The following ATP5F1C variants were observed in gnomAD, a reference collection of about 807,000 sequenced individuals.
The protein encoded by ATP5F1C is ATP synthase F1 subunit gamma.
Under a neutral mutation model 37.4 loss-of-function variants are expected in ATP5F1C, and 22 were observed. That is an observed-to-expected ratio of 0.59 (90% CI 0.42 to 0.84). The LOEUF (loss-of-function observed/expected upper bound fraction) is 0.84. Among genes scored for constraint, ATP5F1C ranks in the 40% least tolerant of loss-of-function variants. The probability of loss-of-function intolerance (pLI) is 0.00; values close to 1 mark genes in which losing one functional copy is unlikely to be tolerated. For synonymous variants in ATP5F1C, 121 were observed against 128.0 expected, an observed-to-expected ratio of 0.95 and a Z score of 0.37; for missense variants, 286 against 362.4, an observed-to-expected ratio of 0.79 and a Z score of 1.71.
rs182107506 is a variant in ATP5F1C, at chr10:7,792,358, C to T, written c.57-3763C>T. 1.3e-4 allele frequency among the ~76,000 whole-genome samples: 20 copies of T among 152,238 alleles called. 1 individual carries two copies. Among genetic ancestry groups the T allele is most frequent in the Admixed American group, 1.2e-3 (19 of 15,290 alleles). On this transcript the variant is annotated intron_variant, in intron 1 of 9. Coordinates refer to ENST00000356708, the MANE Select transcript of ATP5F1C (RefSeq NM_001001973.3). Reference sequence around the variant, plus strand: ...CATGATCACACCACTGCACTATAGCCTGGGTGAGGGGAGTGAGACCCTGTC... The same window carrying T: ...CATGATCACACCACTGCACTATAGCTTGGGTGAGGGGAGTGAGACCCTGTC...
rs77688951 is a variant in ATP5F1C at position 7,789,538 on chromosome 10, C to T, written c.56+1275C>T. Among the ~76,000 whole-genome samples the T allele has an allele frequency of 3.5e-3, 532 of 152,184 alleles. 5 individuals carry two copies. Among genetic ancestry groups the T allele is most frequent in the African/African-American group, 0.012 (500 of 41,516 alleles). ...TGTATAGATTGTCCCACTTGTTAAC[C>T]ACTCAGCAGACATTAGCTGAGTGCT... is the stretch of plus-strand genomic sequence containing the variant. On this transcript the variant is annotated intron_variant, in intron 1 of 9. Coordinates refer to ENST00000356708, the MANE Select transcript of ATP5F1C (RefSeq NM_001001973.3).
At position 7,799,801 on chromosome 10, in the gene ATP5F1C, T is replaced by G. The variant is rs1836316769; in HGVS notation, c.458T>G (p.Phe153Cys). The part of the protein sequence containing the change: ...RTHSDQFLVA[F>C]KEVGRKPPTF... Reference sequence around the variant, plus strand: ...CATTCTGACCAGTTTCTGGTGGCATTCAAAGAAGTGGGAAGAAAGCCCCCC... The same window carrying G: ...CATTCTGACCAGTTTCTGGTGGCATGCAAAGAAGTGGGAAGAAAGCCCCCC... The change falls in exon 5 of 10, where the codon TTC (phenylalanine) becomes TGC (cysteine). Residue 153 changes from phenylalanine (F) to cysteine (C), a missense_variant. Coordinates refer to ENST00000356708, the MANE Select transcript of ATP5F1C (RefSeq NM_001001973.3). The G allele has an allele frequency of 6.2e-7, 1 of 1,614,210 alleles. No individual in the cohort carries two copies. Among genetic ancestry groups the G allele is most frequent in the Non-Finnish European group, 8.5e-7 (1 of 1,180,040 alleles).
At chr10:7,788,619 C>G (rs536139641) in intron 1 of ATP5F1C, among the ~76,000 whole-genome samples, 1 of 152,302 alleles carries the variant, frequency 6.6e-6, no homozygotes, top group South Asian at 2.1e-4. Flanking sequence ...GCCAGGCCCC[C>G]AGTCTCAGGG....
chr10:7,797,931 C>CA (rs1836272650), intron 3 of ATP5F1C, among the ~76,000 whole-genome samples: 2 of 151,978 alleles, frequency 1.3e-5, no homozygotes, highest in Non-Finnish European at 2.9e-5. Flanking sequence ...TGCTTTTATA[C>CA]TTGTTTGATT....
chr10:7,807,236 A>G (rs932483999), intron 9 of ATP5F1C, among the ~76,000 whole-genome samples: 1 of 152,162 alleles, frequency 6.6e-6, no homozygotes, highest in African/African-American at 2.4e-5. Flanking sequence ...AACTTTGAGG[A>G]TAGAGAATTA....
intron 1 of ATP5F1C, among the ~76,000 whole-genome samples, chr10:7,789,660 A>G (rs1226654178): frequency 6.6e-6 from 1 of 152,214 alleles, no homozygotes; most frequent in Non-Finnish European, 1.5e-5. Flanking sequence ...CCTGGCATGC[A>G]GTGGTGCTCT....
Position 7,800,062 on chromosome 10 carries a change from T to C in ATP5F1C, c.608T>C (p.Ile203Thr). 1 of 1,614,076 alleles carries C rather than the reference T, an allele frequency of 6.2e-7. No individual in the cohort carries two copies. Among genetic ancestry groups the C allele is most frequent in the Non-Finnish European group, 8.5e-7 (1 of 1,180,012 alleles). ...TCCTATAAGACAGAAGAAAAGCCCA[T>C]CTTTTCCCTTAATACCGTTGCAAGT... ...VISYKTEEKP[I>T]FSLNTVASAD... The change falls in exon 6 of 10, where the codon ATC becomes ACC. Residue 203 changes from isoleucine to threonine, a missense_variant. Ile to Thr is a moderately conservative substitution (Grantham distance 89). Transcript: ENST00000356708.
chr10:7,800,491 A>G (rs1383698014), intron 6 of ATP5F1C, among the ~76,000 whole-genome samples: 18 of 113,448 alleles, frequency 1.6e-4, no homozygotes, highest in Non-Finnish European at 1.3e-4. Context: ...CCAGCCTTTT[A>G]TTTTTTTATT....
rs1836079153 is a variant in ATP5F1C, at chr10:7,788,177, C to G, written c.-31C>G. The G allele has an allele frequency of 6.2e-7, 1 of 1,611,932 alleles. No individual in the cohort carries two copies. The highest frequency in any genetic ancestry group is 8.5e-7 in the Non-Finnish European group (1 of 1,179,724). On this transcript the variant is annotated 5_prime_UTR_variant, in exon 1 of 10. Transcript: ENST00000356708. ...TCGGCGCATGCGCGCTGAGGCCTGC[C>G]TGACCGACCTTCAGCAGGGCTGTGG...
At chr10:7,800,344 C>T (rs1405574238) in intron 6 of ATP5F1C, among the ~76,000 whole-genome samples, 4 of 151,926 alleles carry the variant, frequency 2.6e-5, no homozygotes, top group Admixed American at 1.3e-4. Context: ...TACAGGCACC[C>T]GCCACCAAGC....
chr10:7,797,244 T>C, intron 3 of ATP5F1C, 66 bp downstream of exon 3: 1 of 1,580,514 alleles, frequency 6.3e-7, no homozygotes, highest in South Asian at 1.1e-5. Flanking sequence ...TACTGATGAC[T>C]TACATTTAGA....
intron 1 of ATP5F1C, 54 bp from the exon 2 acceptor site, chr10:7,796,067 A>G (rs1836231811): frequency 7.2e-7 from 1 of 1,398,446 alleles, no homozygotes; most frequent in Admixed American, 2.2e-5. Flanking sequence ...TTTTTCTTGT[A>G]TAATGGAACT....
chr10:7,799,126 A>G lies in ATP5F1C; in HGVS notation c.360A>G (p.Thr120=), dbSNP rs892575820. The change falls in exon 4 of 10, where the codon ACA becomes ACG. Residue 120 remains threonine (T), a synonymous_variant. Transcript: ENST00000356708. ...IAKQMKSEVA[T]LTAAGKEVML... ...AACAGATGAAAAGCGAGGTTGCTAC[A>G]CTAACAGCAGCTGGGAAAGAAGTTA... is the stretch of plus-strand genomic sequence containing the variant. 9 of 1,613,906 alleles carry G rather than the reference A, an allele frequency of 5.6e-6. No individual in the cohort carries two copies. Among genetic ancestry groups the G allele is most frequent in the Non-Finnish European group, 7.6e-6 (9 of 1,179,978 alleles).
intron 1 of ATP5F1C, among the ~76,000 whole-genome samples, chr10:7,790,372 A>G (rs1006156436): frequency 6.6e-6 from 1 of 152,220 alleles, no homozygotes; most frequent in Non-Finnish European, 1.5e-5. Context: ...AAAATACTCT[A>G]ACGTTTTGAA....
At chr10:7,803,623 C>CT (rs1836417892) in intron 8 of ATP5F1C, among the ~76,000 whole-genome samples, 1 of 151,998 alleles carries the variant, frequency 6.6e-6, no homozygotes. Flanking sequence ...TGTTGAAAAA[C>CT]TTTAATGTTT....
chr10:7,798,317 A>G (rs1387320434), intron 3 of ATP5F1C, among the ~76,000 whole-genome samples: 6 of 149,134 alleles, frequency 4.0e-5, no homozygotes, highest in Admixed American at 1.4e-4. Flanking sequence ...GCTCACTACA[A>G]CCTCCCCCTC....
At chr10:7,800,234 C>T in intron 6 of ATP5F1C, 143 bp downstream of exon 6, 1 of 887,320 alleles carries the variant, frequency 1.1e-6, no homozygotes, top group Non-Finnish European at 1.7e-6. Context: ...ATCTTGCTGC[C>T]TCCCAGGCTG....
At chr10:7,792,151 G>C (rs1018531387) in intron 1 of ATP5F1C, among the ~76,000 whole-genome samples, 16 of 152,338 alleles carry the variant, frequency 1.1e-4, no homozygotes, top group Admixed American at 9.1e-4. Context: ...GTGTGATTAT[G>C]AAAAGCTGTT....
intron 4 of ATP5F1C, 37 bp from the exon 5 acceptor site, chr10:7,799,735 A>G (rs775660343): frequency 1.9e-6 from 3 of 1,602,850 alleles, no homozygotes; most frequent in African/African-American, 2.7e-5. Flanking sequence ...CAGAAATCTT[A>G]TTAAACTAGC....
Sources: allele counts gnomAD v4.1 joint callset (sites outside exome capture counted in the v4.1 genomes callset), GRCh38; gene constraint gnomAD v4.1.1; transcripts MANE v1.5; gene names NCBI Gene and HGNC (gene_info 2026-07-23, HGNC 2026-07-21).